CEP126: variants seen among roughly 807,000 people sequenced by gnomAD.
The protein encoded by CEP126 is centrosomal protein 126.
In CEP126, 74 loss-of-function variants were observed where a neutral mutation model predicts 107.8. The observed-to-expected ratio is 0.69, with a 90% confidence interval of 0.57 to 0.83. The LOEUF (loss-of-function observed/expected upper bound fraction) is 0.83. Among genes scored for constraint, CEP126 ranks in the 40% least tolerant of loss-of-function variants. The probability of loss-of-function intolerance (pLI) is 0.00; values close to 1 mark genes in which losing one functional copy is unlikely to be tolerated. For synonymous variants in CEP126, 449 were observed against 446.0 expected, an observed-to-expected ratio of 1.01 and a Z score of -0.08; for missense variants, 1,237 against 1,281.9, an observed-to-expected ratio of 0.96 and a Z score of 0.53.
intron 6 of CEP126, among the ~76,000 whole-genome samples, chr11:101,977,288 A>G (rs1194387703): frequency 6.6e-6 from 1 of 152,114 alleles, no homozygotes; most frequent in African/African-American, 2.4e-5. Context: ...CATTATTAGT[A>G]TTATTTTGAT....
At chr11:101,967,102 C>T (rs1042872466) in intron 6 of CEP126, among the ~76,000 whole-genome samples, 3 of 143,812 alleles carry the variant, frequency 2.1e-5, no homozygotes, top group Admixed American at 1.4e-4. Context: ...GATCATGGCT[C>T]AGTGCAGCCT....
intron 2 of CEP126, among the ~76,000 whole-genome samples, chr11:101,941,206 A>C (rs566504012): frequency 6.6e-6 from 1 of 152,268 alleles, no homozygotes; most frequent in South Asian, 2.1e-4. Context: ...CATTAAGTAC[A>C]TTCATATTGC....
In CEP126 at chr11:101,944,324, T is replaced by C. The variant is rs760121943; in HGVS notation, c.308T>C (p.Ile103Thr). Residue 103 changes from isoleucine to threonine, a missense_variant, in exon 3 of 11, where the codon ATA becomes ACA. Transcript: ENST00000263468. ...AAAGAACACCAAATTAGAGAACAAATACTTCAACAAAGAAAACAGAAGTTT... is the reference window on the plus strand; with the variant it reads ...AAAGAACACCAAATTAGAGAACAAACACTTCAACAAAGAAAACAGAAGTTT... The part of the protein sequence containing the change: ...EEKEHQIREQ[I>T]LQQRKQKFEE... 15 of 1,611,706 alleles carry C rather than the reference T, an allele frequency of 9.3e-6. No individual in the cohort carries two copies. The highest frequency in any genetic ancestry group is 8.4e-5 in the Admixed American group (5 of 59,626).
chr11:101,966,317 T>C (rs1046433342), intron 6 of CEP126, among the ~76,000 whole-genome samples: 4 of 152,152 alleles, frequency 2.6e-5, no homozygotes, highest in Non-Finnish European at 5.9e-5. Flanking sequence ...GTGAACTCTT[T>C]GTTAATACTG....
At chr11:101,970,995 G>A (rs1307275292) in intron 6 of CEP126, among the ~76,000 whole-genome samples, 2 of 151,822 alleles carry the variant, frequency 1.3e-5, no homozygotes, top group African/African-American at 2.4e-5. Context: ...TTTTTTCTGA[G>A]ACAAGGGTCT....
At chr11:101,967,074 G>T (rs1941066335) in intron 6 of CEP126, among the ~76,000 whole-genome samples, 1 of 144,142 alleles carries the variant, frequency 6.9e-6, no homozygotes, top group Admixed American at 7.1e-5. Context: ...TGTTGACCAG[G>T]CTAGGGCGCA....
intron 3 of CEP126, 58 bp from the exon 4 acceptor site, chr11:101,947,972 TA>T: frequency 1.3e-6 from 1 of 748,202 alleles, no homozygotes; most frequent in Non-Finnish European, 2.1e-6. Flanking sequence ...AAATTATATG[TA>T]AAGTGACCAC....
chr11:101,984,173 G>T (rs1433622230), intron 8 of CEP126, among the ~76,000 whole-genome samples: 1 of 152,194 alleles, frequency 6.6e-6, no homozygotes, highest in Non-Finnish European at 1.5e-5. Flanking sequence ...CAGCATGCCA[G>T]CAACAGTGAA....
chr11:101,937,589 C>A lies in CEP126; in HGVS notation c.249-6676C>A, dbSNP rs563715985. ...ATGAGAGATATTGCTCTATAAATTTCTTTGCTTCTAATGTGTTGTCGGGTT... is the reference window on the plus strand; with the variant it reads ...ATGAGAGATATTGCTCTATAAATTTATTTGCTTCTAATGTGTTGTCGGGTT... On this transcript the variant is annotated intron_variant, in intron 2 of 10. Transcript: ENST00000263468. 9.2e-4 allele frequency among the ~76,000 whole-genome samples: 140 copies of A among 152,192 alleles called. 1 individual carries two copies. Among genetic ancestry groups the A allele is most frequent in the Non-Finnish European group, 8.8e-5 (6 of 68,000 alleles).
chr11:101,920,398 AT>A (rs1940304515), intron 1 of CEP126, among the ~76,000 whole-genome samples: 1 of 152,172 alleles, frequency 6.6e-6, no homozygotes, highest in Non-Finnish European at 1.5e-5. Context: ...TTAATAATCA[AT>A]TTATGAGATT....
chr11:101,967,045 T>TTG (rs1941065596), intron 6 of CEP126, among the ~76,000 whole-genome samples: 3 of 148,578 alleles, frequency 2.0e-5, no homozygotes, highest in African/African-American at 4.9e-5. Context: ...TTTTTTTTTT[T>TTG]TGAGATGGGG....
intron 2 of CEP126, among the ~76,000 whole-genome samples, chr11:101,936,317 A>G (rs570214658): frequency 2.0e-5 from 3 of 152,006 alleles, no homozygotes; most frequent in African/African-American, 7.2e-5. Context: ...AATATTTTGT[A>G]TTTTGTAATG....
intron 3 of CEP126, among the ~76,000 whole-genome samples, chr11:101,945,255 T>C (rs1940719393): frequency 6.6e-6 from 1 of 152,058 alleles, no homozygotes; most frequent in Non-Finnish European, 1.5e-5. Flanking sequence ...CAAATGAGCA[T>C]ATTGCAAAGC....
chr11:101,944,520 C>A, intron 3 of CEP126, 110 bp downstream of exon 3: 1 of 1,032,562 alleles, frequency 9.7e-7, no homozygotes, highest in Non-Finnish European at 1.4e-6. Flanking sequence ...ACTAAAAAGA[C>A]CAATATGACT....
rs776340700 is a variant in CEP126, at chr11:101,963,700, A to C, written c.2665A>C (p.Ile889Leu). ...CSSECQTFAKINHSNGTQAVA... is the reference protein window; with the variant it reads ...CSSECQTFAKLNHSNGTQAVA... ...TTCAGAGTGCCAAACTTTCGCAAAA[A>C]TAAATCATTCAAATGGCACTCAAGC... Residue 889 changes from isoleucine (I) to leucine (L), a missense_variant, in exon 6 of 11, where the codon ATA (isoleucine) becomes CTA (leucine). Ile to Leu is a conservative substitution (Grantham distance 5). Around this residue, in one of 3 missense-constraint regions of CEP126, gnomAD observed 1,134 missense variants for 1,150.5 expected, o/e 0.99. Transcript: ENST00000263468. 2 of 1,614,100 alleles carry C rather than the reference A, an allele frequency of 1.2e-6. No homozygotes were observed.
chr11:101,915,021 T>G lies in CEP126; in HGVS notation c.-264T>G. 1 of 414,810 alleles carries G rather than the reference T, an allele frequency of 2.4e-6. No homozygotes were observed. Among genetic ancestry groups the G allele is most frequent in the Non-Finnish European group, 4.3e-6 (1 of 233,072 alleles). The allele number at this position is 414,810 out of a possible 1,614,324, so 25.7% of individuals were successfully genotyped here. ...CCGTTGTCAAGGACGCGCCGTCGGT[T>G]GTTGTCAAGATGGCGGCTGCAGGGT... On this transcript the variant is annotated 5_prime_UTR_variant, in exon 1 of 11. Coordinates refer to ENST00000263468, the MANE Select transcript of CEP126 (RefSeq NM_020802.4).
At chr11:101,977,498 G>T (rs1364758896) in intron 6 of CEP126, among the ~76,000 whole-genome samples, 1 of 151,608 alleles carries the variant, frequency 6.6e-6, no homozygotes, top group Non-Finnish European at 1.5e-5. Flanking sequence ...TGGCATGGTG[G>T]CATGCACCTG....
chr11:101,982,748 G>T (rs1352680173), intron 8 of CEP126, among the ~76,000 whole-genome samples: 3 of 152,050 alleles, frequency 2.0e-5, no homozygotes, highest in Non-Finnish European at 4.4e-5. Context: ...TTACAAGTAG[G>T]TATTGGATAT....
intron 6 of CEP126, among the ~76,000 whole-genome samples, chr11:101,977,196 T>A (rs1941201051): frequency 1.3e-5 from 2 of 152,168 alleles, no homozygotes; most frequent in Admixed American, 1.3e-4. Context: ...CAGGTATAAT[T>A]ATGTCATTGT....
Sources: gnomAD v4.1 joint callset for allele counts (sites outside exome capture counted in the v4.1 genomes callset) on GRCh38, gnomAD v4.1.1 for gene constraint, gnomAD v4.1.1 regional missense constraint, MANE v1.5 for transcripts, NCBI Gene and HGNC (gene_info 2026-07-23, HGNC 2026-07-21) for gene names.